The following RIMBP2 variants were observed in gnomAD, a reference collection of about 807,000 sequenced individuals.
RIMBP2 encodes RIMS-binding protein 2.
RIMBP2 carries 48 observed loss-of-function variants against 118.6 expected under a neutral mutation model. The ratio of observed to expected loss-of-function variants is 0.40; its 90% CI spans 0.32 to 0.51. The LOEUF (loss-of-function observed/expected upper bound fraction) is 0.51. Ranked by LOEUF, RIMBP2 falls within the 20% of genes least tolerant of loss-of-function variation. The probability of loss-of-function intolerance (pLI) is 0.41; values close to 1 mark genes in which losing one functional copy is unlikely to be tolerated. For synonymous variants in RIMBP2, 762 were observed against 742.9 expected, an observed-to-expected ratio of 1.03 and a Z score of -0.42; for missense variants, 1,551 against 1,768.3, an observed-to-expected ratio of 0.88 and a Z score of 2.20.
At chr12:130,697,237 T>C (rs2065619644) in intron 1 of RIMBP2, among the ~76,000 whole-genome samples, 1 of 152,228 alleles carries the variant, frequency 6.6e-6, no homozygotes, top group Non-Finnish European at 1.5e-5. Context: ...GAAGTATTAA[T>C]GTGGCCAGGT....
In RIMBP2 at chr12:130,644,965, C is replaced by A. The variant is rs75724264; in HGVS notation, c.-351-16509G>T. On this transcript the variant is annotated intron_variant, in intron 1 of 22. Transcript: ENST00000690449. Reference sequence around the variant, plus strand: ...TCTCCCAGTTGGGTCCGGGAGCCAGCGCCTAGTCTCTCAAACTGTGAAATA... The same window carrying A: ...TCTCCCAGTTGGGTCCGGGAGCCAGAGCCTAGTCTCTCAAACTGTGAAATA... 2.2e-4 allele frequency among the ~76,000 whole-genome samples: 33 copies of A among 152,332 alleles called. No individual in the cohort carries two copies. The East Asian group carries it at 4.4e-3, about 20-fold the overall frequency.
chr12:130,687,639 G>A (rs2065118577), intron 1 of RIMBP2, among the ~76,000 whole-genome samples: 1 of 152,080 alleles, frequency 6.6e-6, no homozygotes, highest in African/African-American at 2.4e-5. Context: ...TGTACTTTCA[G>A]AATGGAAAAT....
At chr12:130,559,940 C>G (rs2056679585) in intron 2 of RIMBP2, among the ~76,000 whole-genome samples, 1 of 152,192 alleles carries the variant, frequency 6.6e-6, no homozygotes, top group Non-Finnish European at 1.5e-5. Context: ...ATGCTCTGCA[C>G]CCATGAGGCA....
rs186832282 is a variant in RIMBP2 at position 130,481,921 on chromosome 12, G to A, written c.-3-2905C>T. On this transcript the variant is annotated intron_variant, in intron 4 of 22. Coordinates refer to ENST00000690449, the MANE Select transcript of RIMBP2 (RefSeq NM_001393629.1). ...TTTCCAAGAGCCTCAGTTTCCCCCC[G>A]ACCCCCCAAGCCGCCACCACCACCA... Among the ~76,000 whole-genome samples the A allele has an allele frequency of 6.0e-3, 693 of 115,070 alleles. 7 individuals carry two copies. Among genetic ancestry groups the A allele is most frequent in the African/African-American group, 0.022 (665 of 30,520 alleles). The allele number at this position is 115,070 out of a possible 152,430, so 75.5% of individuals were successfully genotyped here.
chr12:130,690,981 G>A (rs1566460094), intron 1 of RIMBP2, among the ~76,000 whole-genome samples: 1 of 152,196 alleles, frequency 6.6e-6, no homozygotes, highest in African/African-American at 2.4e-5. Flanking sequence ...AATTCACAAG[G>A]GCCCACAGAA....
Position 130,646,075 on chromosome 12 carries a change from CTCCCTCACCACT to C in RIMBP2, c.-351-17631_-351-17620del, listed in dbSNP as rs1305764899. On this transcript the variant is annotated intron_variant, in intron 1 of 22. Coordinates refer to ENST00000690449, the MANE Select transcript of RIMBP2 (RefSeq NM_001393629.1). ...CCTCCCTCACCACCTGCCTCTCCACCTCCCTCACCACTTCCCTCTCCACCTCCCTCTCCACCT... is the reference window on the plus strand; with the variant it reads ...CCTCCCTCACCACCTGCCTCTCCACCTCCCTCTCCACCTCCCTCTCCACCT... Among the ~76,000 whole-genome samples, 1,045 of 133,022 alleles carry C rather than the reference CTCCCTCACCACT, an allele frequency of 7.9e-3. 57 individuals carry two copies. Among genetic ancestry groups the C allele is most frequent in the East Asian group, 0.018 (80 of 4,354 alleles). The allele number at this position is 133,022 out of a possible 152,430, so 87.3% of individuals were successfully genotyped here. A position where few individuals can be genotyped will look rare whatever the true frequency, so the allele number is the denominator to read the frequency against.
chr12:130,651,686 C>T (rs71448218), intron 1 of RIMBP2, among the ~76,000 whole-genome samples: 24,303 of 152,230 alleles, frequency 0.16, 2,392 homozygotes, highest in Non-Finnish European at 0.22. Context: ...TTCAAAGAAC[C>T]AGCCCTTTGT....
chr12:130,691,914 C>T (rs911261893), intron 1 of RIMBP2, among the ~76,000 whole-genome samples: 1 of 152,170 alleles, frequency 6.6e-6, no homozygotes, highest in Non-Finnish European at 1.5e-5. Context: ...GGGTCTGGAA[C>T]ATGGCAGGGG....
At chr12:130,478,376 C>T (rs1206928132) in intron 5 of RIMBP2, among the ~76,000 whole-genome samples, 4 of 152,238 alleles carry the variant, frequency 2.6e-5, no homozygotes, top group Non-Finnish European at 5.9e-5. Context: ...TTTTCGCTGA[C>T]ATCACACGGC....
intron 1 of RIMBP2, among the ~76,000 whole-genome samples, chr12:130,707,748 C>G (rs1949602142): frequency 6.6e-6 from 1 of 152,114 alleles, no homozygotes; most frequent in Non-Finnish European, 1.5e-5. Flanking sequence ...GGGACAAGAC[C>G]AGGGGTCTCT....
At chr12:130,631,599 C>T (rs188293116) in intron 1 of RIMBP2, among the ~76,000 whole-genome samples, 8 of 151,940 alleles carry the variant, frequency 5.3e-5, no homozygotes, top group African/African-American at 1.5e-4. Context: ...CAAAACTGCC[C>T]GCTCAAAGCC....
In RIMBP2 at chr12:130,633,502, G is replaced by A. The variant is rs193165025; in HGVS notation, c.-351-5046C>T. Among the ~76,000 whole-genome samples, 9 of 152,168 alleles carry A rather than the reference G, an allele frequency of 5.9e-5. No homozygotes were observed. In the East Asian group the frequency reaches 1.5e-3, roughly 26 times the overall value. ...CCGAGTGTCCCGCCCACAGCCCACC[G>A]AAACTGATCCTCGAGACCAAGGGTC... On this transcript the variant is annotated intron_variant, in intron 1 of 22. Coordinates refer to ENST00000690449, the MANE Select transcript of RIMBP2 (RefSeq NM_001393629.1).
intron 2 of RIMBP2, among the ~76,000 whole-genome samples, chr12:130,519,911 C>T (rs777374805): frequency 4.6e-5 from 7 of 152,186 alleles, no homozygotes; most frequent in Non-Finnish European, 5.9e-5. Flanking sequence ...ATCAATCTCA[C>T]GGAACACAGA....
intron 16 of RIMBP2, among the ~76,000 whole-genome samples, chr12:130,423,526 A>G (rs907492860): frequency 6.6e-6 from 1 of 152,180 alleles, no homozygotes; most frequent in African/African-American, 2.4e-5. Context: ...ATGAATCCCT[A>G]TGCTCAAAAC....
At chr12:130,439,475 GTA>G (rs1339245434) in intron 11 of RIMBP2, among the ~76,000 whole-genome samples, 1 of 148,996 alleles carries the variant, frequency 6.7e-6, no homozygotes, top group Admixed American at 6.7e-5. Context: ...ATGTATTTGT[GTA>G]TGTGTGTGTA....
chr12:130,448,616 G>A (rs913104414), intron 9 of RIMBP2, among the ~76,000 whole-genome samples: 5 of 152,266 alleles, frequency 3.3e-5, no homozygotes, highest in Admixed American at 2.0e-4. Context: ...GCCAGGGGTA[G>A]GACTGGGTCT....
At chr12:130,448,467 T>TG (rs2078726410) in intron 9 of RIMBP2, among the ~76,000 whole-genome samples, 1 of 152,236 alleles carries the variant, frequency 6.6e-6, no homozygotes, top group Non-Finnish European at 1.5e-5. Flanking sequence ...ACCAGGCCCC[T>TG]GCTTGGCTGG....
chr12:130,712,249 A>T (rs139876963), intron 1 of RIMBP2, among the ~76,000 whole-genome samples: 3 of 152,332 alleles, frequency 2.0e-5, no homozygotes, highest in African/African-American at 7.2e-5. Context: ...CCCTCAGCTT[A>T]CTTCGTTGCC....
rs1241850967 is a variant in RIMBP2, at chr12:130,670,689, C to T, written c.-351-42233G>A. ...ACGCTCACTGTCCCACCCTCCCTTG[C>T]AGCTACAGTTGTCCATGGGGCATAG... On this transcript the variant is annotated intron_variant, in intron 1 of 22. Transcript: ENST00000690449. The surrounding 1 kb of genome is among the most constrained non-coding windows in gnomAD (Gnocchi z 4.9). Among the ~76,000 whole-genome samples the T allele has an allele frequency of 6.6e-6, 1 of 152,184 alleles. No homozygotes were observed. The highest frequency in any genetic ancestry group is 1.9e-4 in the East Asian group (1 of 5,194).
Sources: allele counts gnomAD v4.1 joint callset (sites outside exome capture counted in the v4.1 genomes callset), GRCh38; gene constraint gnomAD v4.1.1; non-coding constraint Gnocchi (gnomAD v3.1); transcripts MANE v1.5; gene names NCBI Gene and HGNC (gene_info 2026-07-23, HGNC 2026-07-21).